GALNT13: variants seen among roughly 807,000 people sequenced by gnomAD.
GALNT13 encodes the protein UDP-GalNAc:polypeptide N-acetylgalactosaminyltransferase 13.
In GALNT13, 28 loss-of-function variants were observed where a neutral mutation model predicts 64.2. The observed-to-expected ratio is 0.44, with a 90% confidence interval of 0.32 to 0.60. The LOEUF is 0.60. Among genes scored for constraint, GALNT13 ranks in the 20% least tolerant of loss-of-function variants. The probability of loss-of-function intolerance (pLI) is 0.05; values close to 1 mark genes in which losing one functional copy is unlikely to be tolerated. For synonymous variants in GALNT13, 214 were observed against 224.6 expected, an observed-to-expected ratio of 0.95 and a Z score of 0.42; for missense variants, 577 against 669.8, an observed-to-expected ratio of 0.86 and a Z score of 1.53.
intron 3 of GALNT13, among the ~76,000 whole-genome samples, chr2:153,956,348 A>G (rs982097726): frequency 6.6e-6 from 1 of 152,220 alleles, no homozygotes; most frequent in Non-Finnish European, 1.5e-5. Flanking sequence ...TAGCAAATCA[A>G]TACCTTAAGA....
intron 9 of GALNT13, among the ~76,000 whole-genome samples, chr2:154,389,349 C>T (rs528180763): frequency 2.6e-5 from 4 of 152,200 alleles, no homozygotes; most frequent in Middle Eastern, 3.4e-3. Flanking sequence ...ATCTTGGCCA[C>T]GCTGGTGTTG....
At chr2:154,334,335 A>G (rs370449681) in intron 9 of GALNT13, among the ~76,000 whole-genome samples, 2 of 151,992 alleles carry the variant, frequency 1.3e-5, no homozygotes, top group South Asian at 4.1e-4. Flanking sequence ...CACCCTGTAA[A>G]TTCATTATAA....
At chr2:153,500,130 CT>C in the GALNT13 span, among the ~76,000 whole-genome samples, 1 of 152,102 alleles carries the variant, frequency 6.6e-6, no homozygotes, top group Admixed American at 6.5e-5. Context: ...GGGATGATGC[CT>C]CATCTTAATT....
the GALNT13 span, among the ~76,000 whole-genome samples, chr2:153,111,579 A>G: frequency 2.0e-5 from 3 of 152,146 alleles, no homozygotes; most frequent in Non-Finnish European, 4.4e-5. Flanking sequence ...AGGCATGGAA[A>G]TAGTTTGCTA....
the GALNT13 span, among the ~76,000 whole-genome samples, chr2:153,086,526 G>A: frequency 2.6e-5 from 4 of 152,034 alleles, no homozygotes; most frequent in Non-Finnish European, 5.9e-5. Flanking sequence ...ACAGTCTCTT[G>A]CCTGCTGCCA....
chr2:153,724,566 G>A, the GALNT13 span, among the ~76,000 whole-genome samples: 5 of 108,094 alleles, frequency 4.6e-5, no homozygotes, highest in Non-Finnish European at 7.1e-5. Context: ...TCTGACAAAG[G>A]GCTAATATCC....
chr2:153,313,059 G>A, the GALNT13 span, among the ~76,000 whole-genome samples: 3 of 152,130 alleles, frequency 2.0e-5, no homozygotes, highest in African/African-American at 7.2e-5. Flanking sequence ...TGGCTAGGTT[G>A]CAGAGAAAAA....
intron 4 of GALNT13, among the ~76,000 whole-genome samples, chr2:154,152,518 C>T (rs1027564635): frequency 2.6e-5 from 4 of 152,148 alleles, no homozygotes; most frequent in African/African-American, 7.2e-5. Context: ...TAATATCCTG[C>T]AGAGTGTTTT....
chr2:153,980,946 T>C (rs1378991478), intron 3 of GALNT13, among the ~76,000 whole-genome samples: 1 of 152,154 alleles, frequency 6.6e-6, no homozygotes, highest in Non-Finnish European at 1.5e-5. Context: ...CTAAAGGAGC[T>C]TTACTTTTAT....
the GALNT13 span, among the ~76,000 whole-genome samples, chr2:153,328,945 C>T: frequency 1.3e-5 from 2 of 151,968 alleles, no homozygotes; most frequent in Non-Finnish European, 2.9e-5. Context: ...TATAGGCACC[C>T]GAGGGAATCT....
chr2:154,025,786 C>A (rs1349778800), intron 3 of GALNT13, among the ~76,000 whole-genome samples: 1 of 152,144 alleles, frequency 6.6e-6, no homozygotes, highest in Admixed American at 6.5e-5. Context: ...GTAAGCAATA[C>A]TTTCATTCAA....
At chr2:153,918,886 GATTTTTC>G (rs1038022385) in intron 2 of GALNT13, among the ~76,000 whole-genome samples, 39 of 152,132 alleles carry the variant, frequency 2.6e-4, no homozygotes, top group Admixed American at 2.4e-3. Flanking sequence ...ATGTCTCCAA[GATTTTTC>G]AATATTTTGT....
At chr2:154,223,661 G>C (rs1273087469) in intron 4 of GALNT13, among the ~76,000 whole-genome samples, 2 of 151,732 alleles carry the variant, frequency 1.3e-5, no homozygotes, top group Admixed American at 1.3e-4. Flanking sequence ...CTGTTGGTCA[G>C]ACTGGTCTCG....
chr2:153,369,948 T>G, the GALNT13 span, among the ~76,000 whole-genome samples: 1 of 152,172 alleles, frequency 6.6e-6, no homozygotes, highest in African/African-American at 2.4e-5. Flanking sequence ...CCTCCTTATT[T>G]GACCCATGGG....
At chr2:154,364,034 A>AC (rs1697225218) in intron 9 of GALNT13, among the ~76,000 whole-genome samples, 1 of 152,182 alleles carries the variant, frequency 6.6e-6, no homozygotes, top group African/African-American at 2.4e-5. Context: ...GCTAAAAATC[A>AC]CACAGGTTAT....
intron 3 of GALNT13, among the ~76,000 whole-genome samples, chr2:154,093,719 G>C (rs1216229112): frequency 6.8e-6 from 1 of 147,030 alleles, no homozygotes; most frequent in Non-Finnish European, 1.5e-5. Context: ...ATGCTTCACA[G>C]GATATTTTTC....
chr2:153,653,210 CAT>C, the GALNT13 span, among the ~76,000 whole-genome samples: 3,480 of 152,138 alleles, frequency 0.023, 53 homozygotes, highest in Non-Finnish European at 0.032. Context: ...GGGATCAACA[CAT>C]GTGAAGAGAA....
chr2:154,062,943 C>T (rs1316813615), intron 3 of GALNT13, among the ~76,000 whole-genome samples: 16 of 151,854 alleles, frequency 1.1e-4, no homozygotes, highest in Non-Finnish European at 7.4e-5. Flanking sequence ...AGTCATTTAG[C>T]ATCGATGTGA....
intron 3 of GALNT13, among the ~76,000 whole-genome samples, chr2:153,976,374 T>C (rs1694078816): frequency 6.6e-6 from 1 of 152,152 alleles, no homozygotes; most frequent in Admixed American, 6.5e-5. Flanking sequence ...TTAGCACCCA[T>C]TTTAATCATG....
Sources: gnomAD v4.1 joint callset for allele counts (sites outside exome capture counted in the v4.1 genomes callset) on GRCh38, gnomAD v4.1.1 for gene constraint, MANE v1.5 for transcripts, NCBI Gene and HGNC (gene_info 2026-07-23, HGNC 2026-07-21) for gene names.